The following METTL14 variants were observed in gnomAD, a reference collection of about 807,000 sequenced individuals.
METTL14 encodes methyltransferase 14, N6-adenosine-methyltransferase non-catalytic subunit.
Under a neutral mutation model 62.4 loss-of-function variants are expected in METTL14, and 32 were observed. The observed-to-expected ratio is 0.51, with a 90% CI of 0.39 to 0.69. The LOEUF is 0.69. METTL14 is among the 30% of genes least tolerant of loss of function. The pLI, the probability that METTL14 is intolerant of heterozygous loss-of-function variation, is 0.00. For missense variants in METTL14, 340 were observed against 551.9 expected (o/e 0.62, Z 3.85); for synonymous variants, 150 against 180.0 (o/e 0.83, Z 1.34).
intron 7 of METTL14, among the ~76,000 whole-genome samples, chr4:118,698,144 T>C (rs1724473753): frequency 6.6e-6 from 1 of 152,106 alleles, no homozygotes; most frequent in Admixed American, 6.6e-5. Context: ...GAAGCTGGGC[T>C]AGAGTCTGGG....
chr4:118,709,771 G>A (rs1437071114), intron 10 of METTL14, among the ~76,000 whole-genome samples: 2 of 152,164 alleles, frequency 1.3e-5, no homozygotes, highest in Non-Finnish European at 2.9e-5. Flanking sequence ...GTACGTGGAT[G>A]AGGAGGATAT....
intron 7 of METTL14, among the ~76,000 whole-genome samples, chr4:118,699,851 C>T (rs992911865): frequency 1.3e-5 from 2 of 152,108 alleles, no homozygotes; most frequent in South Asian, 2.1e-4. Flanking sequence ...TATGAGATAC[C>T]GTCCTGAAGG....
intron 8 of METTL14, 31 bp from the exon 9 acceptor site, chr4:118,703,904 G>A (rs765207083): frequency 1.4e-5 from 18 of 1,256,396 alleles, no homozygotes; most frequent in Non-Finnish European, 2.0e-5. Flanking sequence ...TTTAAGTTAA[G>A]GATTTGTGTT....
chr4:118,693,528 A>C (rs1173925058), intron 5 of METTL14, among the ~76,000 whole-genome samples: 1 of 152,176 alleles, frequency 6.6e-6, no homozygotes, highest in Non-Finnish European at 1.5e-5. Flanking sequence ...GATATAATCA[A>C]ATTTAGTTTT....
chr4:118,694,068 T>TG (rs1313529633), intron 5 of METTL14, among the ~76,000 whole-genome samples: 2 of 147,328 alleles, frequency 1.4e-5, no homozygotes, highest in African/African-American at 5.0e-5. Flanking sequence ...GGATAAGGAT[T>TG]TTTTTTTTTT....
At chr4:118,689,838 C>T (rs1226664732) in intron 3 of METTL14, among the ~76,000 whole-genome samples, 1 of 151,542 alleles carries the variant, frequency 6.6e-6, no homozygotes, top group Admixed American at 6.6e-5. Context: ...CAGGGTTTCA[C>T]CATGTTGGCC....
chr4:118,691,756 C>T (rs1277933765), intron 4 of METTL14, 144 bp downstream of exon 4: 1 of 586,686 alleles, frequency 1.7e-6, no homozygotes, highest in Non-Finnish European at 2.9e-6. Context: ...TAAAATTACT[C>T]ATGAAATAGT....
chr4:118,702,062 T>C (rs530380768), intron 8 of METTL14, among the ~76,000 whole-genome samples: 40 of 152,192 alleles, frequency 2.6e-4, no homozygotes, highest in African/African-American at 8.9e-4. Context: ...AATATCTGAC[T>C]TTGATCTTTC....
intron 1 of METTL14, among the ~76,000 whole-genome samples, chr4:118,686,199 C>A (rs1176041922): frequency 1.3e-5 from 2 of 152,158 alleles, no homozygotes; most frequent in Non-Finnish European, 1.5e-5. Flanking sequence ...GAAAAAGGCT[C>A]CATACGTTAA....
intron 9 of METTL14, among the ~76,000 whole-genome samples, chr4:118,705,022 A>T (rs1207013764): frequency 6.6e-6 from 1 of 152,150 alleles, no homozygotes; most frequent in African/African-American, 2.4e-5. Flanking sequence ...GAAGTGGAGA[A>T]TTGCTTGGTA....
At chr4:118,700,518 C>G in intron 7 of METTL14, 32 bp from the exon 8 acceptor site, 1 of 1,539,688 alleles carries the variant, frequency 6.5e-7, no homozygotes, top group Non-Finnish European at 9.0e-7. Flanking sequence ...AAACAAAATA[C>G]TTTTATGCAA....
At position 118,705,617 on chromosome 4, in the gene METTL14, T is replaced by C. The variant is rs757323131; in HGVS notation, c.862T>C (p.Cys288Arg). The stretch of plus-strand genomic sequence containing the variant: ...GTCTGCTCTTGTTATTTAGGAACAC[T>C]GCCTCATGGGGATCAAAGGAACTGT... ...KAVFQRTKEHCLMGIKGTVKR... is the reference protein window; with the variant it reads ...KAVFQRTKEHRLMGIKGTVKR... The change falls in exon 10 of 11, where the codon TGC becomes CGC. Residue 288 changes from cysteine (C) to arginine (R), a missense_variant. Physicochemically the swap from Cys to Arg is radical, Grantham distance 180. This residue lies in a region of METTL14 where 58 missense variants were observed against 147.5 expected (regional missense o/e 0.39). Coordinates refer to ENST00000388822, the MANE Select transcript of METTL14 (RefSeq NM_020961.4). The C allele has an allele frequency of 6.2e-7, 1 of 1,613,738 alleles. No individual in the cohort carries two copies. Among genetic ancestry groups the C allele is most frequent in the Non-Finnish European group, 8.5e-7 (1 of 1,179,772 alleles).
chr4:118,689,699 A>G (rs1029912226), intron 3 of METTL14, among the ~76,000 whole-genome samples: 1 of 149,266 alleles, frequency 6.7e-6, no homozygotes, highest in African/African-American at 2.5e-5. Flanking sequence ...CTGGAGTGTA[A>G]TGGCACAATC....
intron 8 of METTL14, among the ~76,000 whole-genome samples, chr4:118,702,041 G>GT (rs1166248797): frequency 6.7e-6 from 1 of 149,868 alleles, no homozygotes; most frequent in Non-Finnish European, 1.5e-5. Context: ...TGTTTACTTT[G>GT]TTTTAACTTT....
Position 118,715,250 on chromosome 4 carries a change from T to G in METTL14, c.*4948T>G, listed in dbSNP as rs1047237962. The G allele has an allele frequency of 5.3e-5, 8 of 152,174 alleles. No homozygotes were observed. Among genetic ancestry groups the G allele is most frequent in the African/African-American group, 1.7e-4 (7 of 41,438 alleles). The allele number at this position is 152,174 out of a possible 1,614,324, so 9.4% of individuals were successfully genotyped here. On this transcript the variant is annotated 3_prime_UTR_variant, in exon 11 of 11. Coordinates refer to ENST00000388822, the MANE Select transcript of METTL14 (RefSeq NM_020961.4). ...ATCCTGCCTTTTCTGGGTGTTTATT[T>G]TGTTGTTTTTGAAAGTGGACAAAAC...
At chr4:118,699,285 C>G (rs746332901) in intron 7 of METTL14, among the ~76,000 whole-genome samples, 11 of 152,132 alleles carry the variant, frequency 7.2e-5, no homozygotes, top group Non-Finnish European at 1.3e-4. Flanking sequence ...CTTTAATACT[C>G]CTAGCACTTT....
In METTL14 at chr4:118,691,572, A is replaced by G; in HGVS notation, c.284A>G (p.Tyr95Cys). 2 of 1,557,592 alleles carry G rather than the reference A, an allele frequency of 1.3e-6. No homozygotes were observed. The highest frequency in any genetic ancestry group is 1.7e-6 in the Non-Finnish European group (2 of 1,150,592). The change falls in exon 4 of 11, where the codon TAT becomes TGT. Residue 95 changes from tyrosine (Y) to cysteine (C), a missense_variant. This residue lies in a region of METTL14 where 111 missense variants were observed against 116.6 expected (regional missense o/e 0.95). Transcript: ENST00000388822. Reference sequence around the variant, plus strand: ...CAACAGGATGAAGAAAATTTGCCATATGAAGAAGAGATTTACAAAGATTCT... The same window carrying G: ...CAACAGGATGAAGAAAATTTGCCATGTGAAGAAGAGATTTACAAAGATTCT... Reference protein sequence around the residue: ...EMQQDEENLPYEEEIYKDSST... With the variant: ...EMQQDEENLPCEEEIYKDSST...
intron 6 of METTL14, among the ~76,000 whole-genome samples, chr4:118,696,368 A>G (rs1210574891): frequency 6.6e-6 from 1 of 151,826 alleles, no homozygotes; most frequent in South Asian, 2.1e-4. Context: ...CTGGCCTCCC[A>G]AAGTGTTGGT....
At chr4:118,701,183 G>GTT (rs373953605) in intron 8 of METTL14, among the ~76,000 whole-genome samples, 35,776 of 130,734 alleles carry the variant, frequency 0.27, 5,520 homozygotes, top group Non-Finnish European at 0.38. Flanking sequence ...GTTTTTTTTT[G>GTT]TTTTTTTTTG....
Sources: allele counts gnomAD v4.1 joint callset (sites outside exome capture counted in the v4.1 genomes callset), GRCh38; gene constraint gnomAD v4.1.1; regional missense constraint gnomAD v4.1.1; transcripts MANE v1.5; gene names NCBI Gene and HGNC (gene_info 2026-07-23, HGNC 2026-07-21).